LANCL3: variants seen among roughly 807,000 people sequenced by gnomAD.
The protein encoded by LANCL3 is LanC like family member 3.
A neutral mutation model predicts 26.5 loss-of-function variants in LANCL3; 19 were observed. The observed-to-expected ratio is 0.72, with a 90% CI of 0.50 to 1.05. The LOEUF is 1.05. Among genes scored for constraint, LANCL3 ranks in the 50% least tolerant of loss-of-function variants. The pLI is 0.00. For synonymous variants in LANCL3, 160 were observed against 166.6 expected (o/e 0.96, Z 0.30); for missense variants, 318 against 362.7 (o/e 0.88, Z 1.00).
rs145523147 is a variant in LANCL3 at position 37,679,232 on chromosome X, A to G, written c.*3419A>G. The G allele has an allele frequency of 8.9e-6, 1 of 112,157 alleles. No individual in the cohort carries two copies. Among genetic ancestry groups the G allele is most frequent in the Non-Finnish European group, 1.9e-5 (1 of 53,212 alleles). The allele number at this position is 112,157 out of a possible 1,213,427, so 9.2% of individuals were successfully genotyped here. ...ATATTTTACCCACTATATACATAGA[A>G]AAATCATGCCCAGTTATGACTTCCA... is the stretch of plus-strand genomic sequence containing the variant. On this transcript the variant is annotated 3_prime_UTR_variant, in exon 5 of 5. Transcript: ENST00000378619.
chrX:37,593,039 T>C (rs1282668035), intron 1 of LANCL3, among the ~76,000 whole-genome samples: 3 of 112,151 alleles, frequency 2.7e-5, no homozygotes, highest in Non-Finnish European at 5.6e-5. Context: ...TAGAATTCTA[T>C]AGCAGCCAAA....
chrX:37,610,786 C>CT (rs1344713793), intron 1 of LANCL3, among the ~76,000 whole-genome samples: 1 of 112,505 alleles, frequency 8.9e-6, no homozygotes, highest in Non-Finnish European at 1.9e-5. Context: ...CCCTGACACA[C>CT]TGAGAGATTC....
At chrX:37,663,255 T>C (rs1171807604) in intron 3 of LANCL3, among the ~76,000 whole-genome samples, 1 of 112,157 alleles carries the variant, frequency 8.9e-6, no homozygotes, top group Non-Finnish European at 1.9e-5. Flanking sequence ...TGGAAATAGG[T>C]AATTTTAACT....
chrX:37,587,515 C>T (rs1218745655), intron 1 of LANCL3, among the ~76,000 whole-genome samples: 1 of 112,878 alleles, frequency 8.9e-6, no homozygotes, highest in Non-Finnish European at 1.9e-5. Flanking sequence ...CTCCCCCAGC[C>T]TTGCTGCTGC....
rs1176899007 is a variant in LANCL3, at chrX:37,684,420, C to T, written c.*8607C>T. The T allele has an allele frequency of 8.9e-6, 1 of 112,699 alleles. No homozygotes were observed. Among genetic ancestry groups the T allele is most frequent in the Non-Finnish European group, 1.9e-5 (1 of 53,311 alleles). The allele number at this position is 112,699 out of a possible 1,213,427, so 9.3% of individuals were successfully genotyped here. A position where few individuals can be genotyped will look rare whatever the true frequency, so the allele number is the denominator to read the frequency against. ...TATGTACAGTACACTTAATGTAAAA[C>T]CTGTGATAATCCTTTGCCTTAAAAT... On this transcript the variant is annotated 3_prime_UTR_variant, in exon 5 of 5. Coordinates refer to ENST00000378619, the MANE Select transcript of LANCL3 (RefSeq NM_001170331.2).
chrX:37,588,013 C>G (rs1348297271), intron 1 of LANCL3, among the ~76,000 whole-genome samples: 1 of 112,539 alleles, frequency 8.9e-6, no homozygotes. Flanking sequence ...AAAATAAACA[C>G]AGTAAAACTT....
chrX:37,606,927 C>T (rs1374238046), intron 1 of LANCL3, among the ~76,000 whole-genome samples: 1 of 112,448 alleles, frequency 8.9e-6, no homozygotes, highest in Non-Finnish European at 1.9e-5. Flanking sequence ...TCAGAATAAC[C>T]TAGTTAGTTG....
chrX:37,665,473 T>A (rs1190411944), intron 3 of LANCL3, among the ~76,000 whole-genome samples: 1 of 112,387 alleles, frequency 8.9e-6, no homozygotes, highest in African/African-American at 3.2e-5. Context: ...CTCATCTAAC[T>A]ATCTCCGTAG....
chrX:37,619,196 A>T (rs1400299202), intron 1 of LANCL3, among the ~76,000 whole-genome samples: 1 of 112,142 alleles, frequency 8.9e-6, no homozygotes, highest in East Asian at 2.8e-4. Context: ...TGAATAAAAA[A>T]GTGCAGAATC....
rs1194765348 is a variant in LANCL3 at position 37,607,438 on chromosome X, A to G, written c.573+34995A>G. ...CGTGTCACATTCTGAAGTTTGACAA[A>G]TTGATGGAATGAATCATTTGTTGAA... On this transcript the variant is annotated intron_variant, in intron 1 of 4. Coordinates refer to ENST00000378619, the MANE Select transcript of LANCL3 (RefSeq NM_001170331.2). Among the ~76,000 whole-genome samples the G allele has an allele frequency of 3.6e-5, 4 of 112,469 alleles. No homozygotes were observed. The Admixed American group carries it at 3.8e-4, about 11-fold the overall frequency.
intron 1 of LANCL3, among the ~76,000 whole-genome samples, chrX:37,610,225 G>C (rs1401598430): frequency 1.8e-5 from 2 of 111,639 alleles, no homozygotes; most frequent in Non-Finnish European, 3.8e-5. Context: ...CCCTGTATTG[G>C]CCTTTCCATG....
chrX:37,599,973 G>T (rs1028825627), intron 1 of LANCL3, among the ~76,000 whole-genome samples: 10 of 111,679 alleles, frequency 9.0e-5, no homozygotes, highest in African/African-American at 6.5e-5. Context: ...TTGGCTCATC[G>T]AGGTGACAGG....
chrX:37,582,464 T>C (rs1457724866), intron 1 of LANCL3, among the ~76,000 whole-genome samples: 1 of 112,102 alleles, frequency 8.9e-6, no homozygotes, highest in Non-Finnish European at 1.9e-5. Context: ...GACTTTTTAA[T>C]GATCGTCATT....
intron 1 of LANCL3, among the ~76,000 whole-genome samples, chrX:37,615,021 T>C (rs1924968098): frequency 8.9e-6 from 1 of 111,911 alleles, no homozygotes; most frequent in Non-Finnish European, 1.9e-5. Context: ...ACCCTATGAG[T>C]TGGGTTTTTA....
intron 3 of LANCL3, 31 bp downstream of exon 3, chrX:37,659,690 G>T: frequency 8.6e-7 from 1 of 1,167,902 alleles, no homozygotes. Flanking sequence ...TAAAAATATT[G>T]CCTTTCATCT....
chrX:37,670,514 T>C (rs1926656237), intron 4 of LANCL3, among the ~76,000 whole-genome samples: 1 of 111,309 alleles, frequency 9.0e-6, no homozygotes, highest in Non-Finnish European at 1.9e-5. Flanking sequence ...TTTTAAATGG[T>C]CTCAGATAGG....
At chrX:37,595,735 A>C (rs1556419440) in intron 1 of LANCL3, among the ~76,000 whole-genome samples, 2 of 112,258 alleles carry the variant, frequency 1.8e-5, no homozygotes, top group African/African-American at 6.5e-5. Flanking sequence ...TTTTATATTC[A>C]TGCAGGTGAT....
rs376772746 is a variant in LANCL3, at chrX:37,621,556, A to T, written c.574-34132A>T. On this transcript the variant is annotated intron_variant, in intron 1 of 4. Coordinates refer to ENST00000378619, the MANE Select transcript of LANCL3 (RefSeq NM_001170331.2). ...AAGAGAATATCAATAACATTTTATCACTTTAATATTTGGTTACTTTTTTCT... is the reference window on the plus strand; with the variant it reads ...AAGAGAATATCAATAACATTTTATCTCTTTAATATTTGGTTACTTTTTTCT... Among the ~76,000 whole-genome samples, 4 of 112,815 alleles carry T rather than the reference A, an allele frequency of 3.5e-5. No homozygotes were observed. In the East Asian group the frequency reaches 1.1e-3, roughly 31 times the overall value.
chrX:37,624,637 A>G (rs1177209886), intron 1 of LANCL3, among the ~76,000 whole-genome samples: 1 of 112,003 alleles, frequency 8.9e-6, no homozygotes, highest in African/African-American at 3.2e-5. Flanking sequence ...AGATTCTTTC[A>G]TTAGCCATTG....
Sources: gnomAD v4.1 joint callset for allele counts (sites outside exome capture counted in the v4.1 genomes callset) on GRCh38, gnomAD v4.1.1 for gene constraint, MANE v1.5 for transcripts, NCBI Gene and HGNC (gene_info 2026-07-23, HGNC 2026-07-21) for gene names.